ATP9B: variants seen among roughly 807,000 people sequenced by gnomAD.
The protein encoded by ATP9B is ATPase phospholipid transporting 9B.
ATP9B carries 110 observed loss-of-function variants against 146.1 expected under a neutral mutation model. That is an observed-to-expected ratio of 0.75 (90% CI 0.65 to 0.88). The LOEUF is 0.88. Ranked by LOEUF, ATP9B falls within the 40% of genes least tolerant of loss-of-function variation. The probability of loss-of-function intolerance (pLI) is 0.00; values close to 1 mark genes in which losing one functional copy is unlikely to be tolerated. For synonymous variants in ATP9B, 604 were observed against 569.7 expected, an observed-to-expected ratio of 1.06 and a Z score of -0.86; for missense variants, 1,499 against 1,496.4, an observed-to-expected ratio of 1.00 and a Z score of -0.03.
chr18:79,341,516 G>A (rs1261295870), intron 19 of ATP9B, among the ~76,000 whole-genome samples: 1 of 113,000 alleles, frequency 8.8e-6, no homozygotes, highest in African/African-American at 3.6e-5. Flanking sequence ...GCGTGACCTC[G>A]TTGAAGCCTG....
At position 79,341,019 on chromosome 18, in the gene ATP9B, C is replaced by T. The variant is rs114448879; in HGVS notation, c.2284-1249C>T. 6.5e-3 allele frequency among the ~76,000 whole-genome samples: 990 copies of T among 152,328 alleles called. 5 individuals are homozygous for T. Among genetic ancestry groups the T allele is most frequent in the African/African-American group, 0.022 (927 of 41,562 alleles). ...CTTATTAGACTTAGCCTCTGAGTGC[C>T]GGGCCCAGGTGTTACTCACATGCCT... On this transcript the variant is annotated intron_variant, in intron 19 of 29. Coordinates refer to ENST00000426216, the MANE Select transcript of ATP9B (RefSeq NM_198531.5).
In ATP9B at chr18:79,113,315, A is replaced by G. The variant is rs141379954; in HGVS notation, c.519A>G (p.Ala173=). Residue 173 remains alanine, a synonymous_variant, in exon 4 of 30, where the codon GCA becomes GCG. Transcript: ENST00000426216. The part of the protein sequence containing the change: ...LVISCSQFVP[A]LKIGYLYTYW... ...TATCCTGCTCACAGTTTGTACCAGC[A>G]TTGAAAATAGGCTATCTCTACACCT... 77 of 1,599,642 alleles carry G rather than the reference A, an allele frequency of 4.8e-5. No individual in the cohort carries two copies. Among genetic ancestry groups the G allele is most frequent in the Admixed American group, 1.7e-4 (10 of 59,688 alleles).
intron 4 of ATP9B, chr18:79,114,862 A>T (rs971055417): frequency 6.5e-6 from 1 of 152,756 alleles, no homozygotes; most frequent in African/African-American, 2.4e-5. Flanking sequence ...TATATCAAAG[A>T]CCTGAAAACC....
At chr18:79,148,086 GA>G (rs1366304140) in intron 6 of ATP9B, among the ~76,000 whole-genome samples, 10 of 152,114 alleles carry the variant, frequency 6.6e-5, no homozygotes, top group African/African-American at 2.2e-4. Flanking sequence ...AAATTCTTCT[GA>G]AACCATAAAG....
chr18:79,314,849 G>A (rs1293800239), intron 15 of ATP9B, among the ~76,000 whole-genome samples: 27 of 152,356 alleles, frequency 1.8e-4, no homozygotes, highest in Non-Finnish European at 5.9e-5. Context: ...CACCGAACTA[G>A]TGGCATGAGC....
chr18:79,111,157 T>C (rs2075982115), intron 3 of ATP9B, among the ~76,000 whole-genome samples: 1 of 152,180 alleles, frequency 6.6e-6, no homozygotes, highest in Admixed American at 6.5e-5. Flanking sequence ...ACAATTAGAA[T>C]AGTTGAATAA....
At chr18:79,314,923 G>A (rs771639018) in intron 15 of ATP9B, among the ~76,000 whole-genome samples, 2 of 152,228 alleles carry the variant, frequency 1.3e-5, no homozygotes, top group African/African-American at 4.8e-5. Context: ...CAGCTCAAGC[G>A]CTGAAGGCGT....
chr18:79,331,713 A>T (rs907705100), intron 17 of ATP9B, among the ~76,000 whole-genome samples: 2 of 144,490 alleles, frequency 1.4e-5, no homozygotes, highest in African/African-American at 5.0e-5. Flanking sequence ...TCAAATGTTT[A>T]AAAAAAAAAA....
At chr18:79,125,562 CATT>C (rs2094270710) in intron 4 of ATP9B, among the ~76,000 whole-genome samples, 2 of 152,148 alleles carry the variant, frequency 1.3e-5, no homozygotes, top group South Asian at 4.1e-4. Context: ...GCAAGGTCAT[CATT>C]AATAATAGAG....
intron 13 of ATP9B, among the ~76,000 whole-genome samples, chr18:79,299,038 A>G (rs942905444): frequency 1.3e-5 from 2 of 152,196 alleles, no homozygotes; most frequent in African/African-American, 4.8e-5. Context: ...TGAAGATTTC[A>G]TGCATTTGCC....
At chr18:79,214,167 G>A in intron 11 of ATP9B, 129 bp downstream of exon 11, 1 of 512,280 alleles carries the variant, frequency 2.0e-6, no homozygotes, top group Non-Finnish European at 3.2e-6. Flanking sequence ...CAAAAATGTT[G>A]GTGACTTACA....
Position 79,175,833 on chromosome 18 carries a change from CAT to C in ATP9B, c.779-976_779-975del, listed in dbSNP as rs1054553367. ...CAAGTTAGCCATGCACGCGCACACACATATACATGCACACACACAGATACACA... is the reference window on the plus strand; with the variant it reads ...CAAGTTAGCCATGCACGCGCACACACATACATGCACACACACAGATACACA... On this transcript the variant is annotated intron_variant, in intron 7 of 29. Coordinates refer to ENST00000426216, the MANE Select transcript of ATP9B (RefSeq NM_198531.5). 1.7e-4 allele frequency among the ~76,000 whole-genome samples: 26 copies of C among 152,282 alleles called. No individual in the cohort carries two copies. In the East Asian group the frequency reaches 4.2e-3, roughly 25 times the overall value.
intron 12 of ATP9B, among the ~76,000 whole-genome samples, chr18:79,259,901 C>CT (rs2096122971): frequency 6.6e-6 from 1 of 152,152 alleles, no homozygotes; most frequent in African/African-American, 2.4e-5. Context: ...AGGTAGAATG[C>CT]TTGGTGAAAA....
At chr18:79,132,786 C>T (rs768504806) in intron 5 of ATP9B, among the ~76,000 whole-genome samples, 23 of 152,206 alleles carry the variant, frequency 1.5e-4, no homozygotes, top group Non-Finnish European at 2.6e-4. Flanking sequence ...AACATTTGGA[C>T]TGTGTCATTT....
chr18:79,096,879 G>A (rs1013325794), intron 2 of ATP9B, among the ~76,000 whole-genome samples: 2 of 152,124 alleles, frequency 1.3e-5, no homozygotes, highest in Non-Finnish European at 1.5e-5. Flanking sequence ...GCTGGAGGCC[G>A]GGTGTGGTGG....
chr18:79,376,078 A>G, intron 29 of ATP9B: 1 of 984,754 alleles, frequency 1.0e-6, no homozygotes, highest in African/African-American at 1.8e-5. Context: ...CAGAGCCTCT[A>G]AGAGCAGACC....
intron 5 of ATP9B, among the ~76,000 whole-genome samples, chr18:79,137,252 C>G (rs1425380417): frequency 1.3e-5 from 2 of 152,098 alleles, no homozygotes; most frequent in Non-Finnish European, 2.9e-5. Flanking sequence ...ACATTTGTGT[C>G]AGTTGTGGGT....
chr18:79,125,392 T>A (rs375449149), intron 4 of ATP9B, among the ~76,000 whole-genome samples: 5 of 152,170 alleles, frequency 3.3e-5, no homozygotes, highest in African/African-American at 1.2e-4. Context: ...ATAGGACACT[T>A]GAGAAAAATA....
intron 13 of ATP9B, among the ~76,000 whole-genome samples, chr18:79,287,107 T>G (rs1418516439): frequency 6.6e-6 from 1 of 152,258 alleles, no homozygotes; most frequent in African/African-American, 2.4e-5. Flanking sequence ...TGCCGGGCTT[T>G]GGTATCAGGA....
Sources: allele counts gnomAD v4.1 joint callset (sites outside exome capture counted in the v4.1 genomes callset), GRCh38; gene constraint gnomAD v4.1.1; transcripts MANE v1.5; gene names NCBI Gene and HGNC (gene_info 2026-07-23, HGNC 2026-07-21).